The following LNX1 variants were observed in gnomAD, a reference collection of about 807,000 sequenced individuals.
LNX1 encodes the protein E3 ubiquitin-protein ligase LNX.
A neutral mutation model predicts 68.4 loss-of-function variants in LNX1; 54 were observed. That is an observed-to-expected ratio of 0.79 (90% confidence interval 0.63 to 0.99). The LOEUF (loss-of-function observed/expected upper bound fraction) is 0.99, where lower values mean the gene tolerates loss of function less well. Ranked by LOEUF, LNX1 falls within the 50% of genes least tolerant of loss-of-function variation. The probability of loss-of-function intolerance (pLI) is 0.00; values close to 1 mark genes in which losing one functional copy is unlikely to be tolerated. For synonymous variants in LNX1, 336 were observed against 350.0 expected, an observed-to-expected ratio of 0.96 and a Z score of 0.45; for missense variants, 906 against 926.4, an observed-to-expected ratio of 0.98 and a Z score of 0.29.
At chr4:53,598,470 C>T (rs984965775) in intron 2 of LNX1, among the ~76,000 whole-genome samples, 17 of 152,194 alleles carry the variant, frequency 1.1e-4, no homozygotes, top group South Asian at 2.1e-4. Flanking sequence ...TGGGCCCAAG[C>T]GATCCTCCTG....
intron 1 of LNX1, among the ~76,000 whole-genome samples, chr4:53,640,395 A>T (rs1289701725): frequency 5.3e-5 from 8 of 152,198 alleles, no homozygotes; most frequent in Non-Finnish European, 1.2e-4. Context: ...ACCTCTGTAT[A>T]AGCTCTGTAG....
At chr4:53,625,844 CGTGTGTGTGT>C (rs59366709) in intron 1 of LNX1, among the ~76,000 whole-genome samples, 23 of 144,166 alleles carry the variant, frequency 1.6e-4, no homozygotes, top group Admixed American at 2.7e-4. Flanking sequence ...AATTCCACCC[CGTGTGTGTGT>C]GTGTGTGTGT....
chr4:53,501,311 G>GGGGAGT (rs1553932778), intron 4 of LNX1, among the ~76,000 whole-genome samples: 1 of 55,696 alleles, frequency 1.8e-5, no homozygotes, highest in Non-Finnish European at 3.6e-5. Context: ...GGGGTGGGGG[G>GGGGAGT]ACAGGATCTC....
At chr4:53,592,265 G>T (rs1265978385), upstream of LNX1, among the ~76,000 whole-genome samples, 10 of 152,232 alleles carry the variant, frequency 6.6e-5, no homozygotes, top group African/African-American at 1.9e-4. Context: ...AGGCGATGTT[G>T]TCTGCTGATA....
intron 2 of LNX1, among the ~76,000 whole-genome samples, chr4:53,565,765 A>C (rs1359270799): frequency 8.0e-5 from 12 of 149,462 alleles, no homozygotes; most frequent in Non-Finnish European, 1.5e-4. Context: ...ATTTAGAAGA[A>C]TGTATAACTA....
At chr4:53,596,665 CTTT>C (rs1732768602) in intron 2 of LNX1, among the ~76,000 whole-genome samples, 1 of 152,140 alleles carries the variant, frequency 6.6e-6, no homozygotes, top group Non-Finnish European at 1.5e-5. Flanking sequence ...TACATGGCTA[CTTT>C]AATTGACCCA....
At chr4:53,496,510 C>T in intron 5 of LNX1, 116 bp from the exon 6 acceptor site, 1 of 1,271,668 alleles carries the variant, frequency 7.9e-7, no homozygotes, top group Non-Finnish European at 1.1e-6. Context: ...TGCTCTCCCA[C>T]CTCATCCTGT....
At chr4:53,511,218 T>C in intron 2 of LNX1, among the ~76,000 whole-genome samples, 1 of 152,200 alleles carries the variant, frequency 6.6e-6, no homozygotes. Context: ...TTGGCTTAGC[T>C]TGAGCCAGAG....
chr4:53,507,857 G>T, intron 3 of LNX1, 129 bp downstream of exon 3: 5 of 1,241,288 alleles, frequency 4.0e-6, no homozygotes, highest in South Asian at 1.6e-5. Flanking sequence ...TGGACATTGG[G>T]TTCCTGCCAA....
rs773077265 is a variant in LNX1, at chr4:53,557,864, G to C, written c.380+15759C>G. 7 of 1,612,796 alleles carry C rather than the reference G, an allele frequency of 4.3e-6. No individual in the cohort carries two copies. In the African/African-American group the frequency reaches 9.4e-5, roughly 22 times the overall value. On this transcript the variant is annotated intron_variant, in intron 2 of 10. Coordinates refer to ENST00000263925, the MANE Select transcript of LNX1 (RefSeq NM_001126328.3). ...ATAAACACACAGGCACGGACAGAGA[G>C]GGGACTCACAGTTCTGAATACAGGA...
At chr4:53,607,747 C>T (rs1733290961) in intron 2 of LNX1, among the ~76,000 whole-genome samples, 1 of 152,178 alleles carries the variant, frequency 6.6e-6, no homozygotes, top group Non-Finnish European at 1.5e-5. Context: ...AATAGCCAAA[C>T]AGCATGGTAC....
chr4:53,645,643 T>A (rs1734855375), intron 1 of LNX1, among the ~76,000 whole-genome samples: 1 of 152,192 alleles, frequency 6.6e-6, no homozygotes, highest in Non-Finnish European at 1.5e-5. Flanking sequence ...GGCATTCTGT[T>A]CATTCTCCCA....
At chr4:53,602,254 G>GA (rs1484241563) in intron 2 of LNX1, among the ~76,000 whole-genome samples, 1 of 152,116 alleles carries the variant, frequency 6.6e-6, no homozygotes, top group Non-Finnish European at 1.5e-5. Flanking sequence ...ATGCCAAGAC[G>GA]AAATTAAATA....
At chr4:53,481,698 C>T (rs202229204) in intron 7 of LNX1, 22 bp downstream of exon 7, 21 of 1,603,066 alleles carry the variant, frequency 1.3e-5, no homozygotes, top group East Asian at 1.1e-4. Context: ...CAGGAGCAGG[C>T]GACCTGCCCT....
At chr4:53,568,178 G>A (rs1730843663) in intron 2 of LNX1, among the ~76,000 whole-genome samples, 1 of 151,986 alleles carries the variant, frequency 6.6e-6, no homozygotes, top group South Asian at 2.1e-4. Context: ...CCAAAGCCGG[G>A]CAGAGACACA....
At chr4:53,618,944 G>T (rs562521962), upstream of LNX1, among the ~76,000 whole-genome samples, 1 of 151,910 alleles carries the variant, frequency 6.6e-6, no homozygotes, top group South Asian at 2.1e-4. Context: ...TAGATACAGG[G>T]TCTTGCTATG....
chr4:53,559,010 A>G (rs535986056), intron 2 of LNX1, among the ~76,000 whole-genome samples: 2 of 152,288 alleles, frequency 1.3e-5, no homozygotes, highest in South Asian at 4.1e-4. Flanking sequence ...CCCCATATTC[A>G]AGAAGATTAA....
At chr4:53,462,102 G>A (rs538838530) in intron 9 of LNX1, among the ~76,000 whole-genome samples, 9 of 152,158 alleles carry the variant, frequency 5.9e-5, no homozygotes, top group Admixed American at 3.3e-4. Flanking sequence ...CCAGTGCTAC[G>A]TTTGATAAGT....
Position 53,459,526 on chromosome 4 carries a change from T to TAA in LNX1, c.*1379_*1380dup. On this transcript the variant is annotated 3_prime_UTR_variant, in exon 11 of 11. Coordinates refer to ENST00000263925, the MANE Select transcript of LNX1 (RefSeq NM_001126328.3). Reference sequence around the variant, plus strand: ...TCTTGTTATTTTTCTGGATAATGTTTAAGAAATTTACCTTAAATCTTGTTC... The same window carrying TAA: ...TCTTGTTATTTTTCTGGATAATGTTTAAAAGAAATTTACCTTAAATCTTGTTC... 6.3e-7 allele frequency: 1 copy of TAA among 1,585,634 alleles called. No homozygotes were observed. The highest frequency in any genetic ancestry group is 2.2e-5 in the East Asian group (1 of 44,748).
Sources: gnomAD v4.1 joint callset for allele counts (sites outside exome capture counted in the v4.1 genomes callset) on GRCh38, gnomAD v4.1.1 for gene constraint, MANE v1.5 for transcripts, NCBI Gene and HGNC (gene_info 2026-07-23, HGNC 2026-07-21) for gene names.